Variants in CCSER2 observed in about 807,000 individuals in gnomAD.
CCSER2 encodes coiled-coil serine rich protein 2, also known as serine-rich coiled-coil domain-containing protein 2.
CCSER2 carries 46 observed loss-of-function variants against 92.3 expected under a neutral mutation model. The observed-to-expected ratio is 0.50, with a 90% CI of 0.39 to 0.64. The LOEUF (loss-of-function observed/expected upper bound fraction) is 0.64, where lower values mean the gene tolerates loss of function less well. Ranked by LOEUF, CCSER2 falls within the 30% of genes least tolerant of loss-of-function variation. The pLI is 0.00. For synonymous variants in CCSER2, 433 were observed against 431.4 expected, an observed-to-expected ratio of 1.00 and a Z score of -0.04; for missense variants, 1,244 against 1,238.9, an observed-to-expected ratio of 1.00 and a Z score of -0.06.
intron 9 of CCSER2, chr10:84,499,901 T>G: frequency 6.2e-7 from 1 of 1,614,060 alleles, no homozygotes; most frequent in Non-Finnish European, 8.5e-7. Flanking sequence ...CCTCCTTCTC[T>G]CCTTGGCAGG....
intron 9 of CCSER2, among the ~76,000 whole-genome samples, chr10:84,512,076 A>G (rs1408917949): frequency 6.6e-6 from 1 of 152,074 alleles, no homozygotes; most frequent in Non-Finnish European, 1.5e-5. Context: ...CCATGAGTTG[A>G]TGAGCCTTGC....
At chr10:84,457,650 A>T (rs1438126360) in intron 6 of CCSER2, among the ~76,000 whole-genome samples, 2 of 103,784 alleles carry the variant, frequency 1.9e-5, no homozygotes, top group East Asian at 2.6e-4. Context: ...ATTATATATA[A>T]TTATATTATT....
chr10:84,512,391 T>C lies in CCSER2; in HGVS notation c.2326-1058T>C, dbSNP rs527711884. 2.8e-4 allele frequency among the ~76,000 whole-genome samples: 33 copies of C among 119,604 alleles called. 2 individuals carry two copies. The East Asian group carries it at 3.1e-3, about 11-fold the overall frequency. 78.5% of individuals were successfully genotyped at this position (119,604 alleles called of 152,430 possible). ...CAGTGTGTGTGTGTGTGTGTGTGTG[T>C]GTGTGAGAGAGAGAGAGAGAGAGAG... On this transcript the variant is annotated intron_variant, in intron 9 of 9. Coordinates refer to ENST00000372088, the MANE Select transcript of CCSER2 (RefSeq NM_001284240.2).
chr10:84,481,217 A>G (rs771151216), intron 9 of CCSER2, among the ~76,000 whole-genome samples: 48 of 152,314 alleles, frequency 3.2e-4, no homozygotes, highest in Admixed American at 7.2e-4. Context: ...TTCAGGTGGT[A>G]CTGGGAAGCC....
intron 1 of CCSER2, among the ~76,000 whole-genome samples, chr10:84,369,587 C>G (rs552480883): frequency 6.6e-6 from 1 of 152,144 alleles, no homozygotes; most frequent in South Asian, 2.1e-4. Context: ...GCATAGTTTG[C>G]AAGTATTTTC....
Position 84,372,143 on chromosome 10 carries a change from A to G in CCSER2, c.1091A>G (p.Asp364Gly). Residue 364 changes from aspartate (D) to glycine (G), a missense_variant, in exon 2 of 10, where the codon GAC (aspartate) becomes GGC (glycine). Transcript: ENST00000372088. ...GCTAAGGACAGAGCTGCTAATAAGG[A>G]CCAAGAACTGATTGAAAATGAAAGT... ...VLAKDRAANK[D>G]QELIENESYR... 1 of 1,613,640 alleles carries G rather than the reference A, an allele frequency of 6.2e-7. No individual in the cohort carries two copies. The highest frequency in any genetic ancestry group is 8.5e-7 in the Non-Finnish European group (1 of 1,179,760).
At chr10:84,492,148 G>A (rs774380336) in intron 9 of CCSER2, among the ~76,000 whole-genome samples, 3 of 151,804 alleles carry the variant, frequency 2.0e-5, no homozygotes, top group Non-Finnish European at 2.9e-5. Context: ...GCATGGTGGC[G>A]GGCACCTGTA....
At chr10:84,474,556 G>C (rs1166584190) in intron 8 of CCSER2, among the ~76,000 whole-genome samples, 1 of 151,522 alleles carries the variant, frequency 6.6e-6, no homozygotes, top group East Asian at 1.9e-4. Flanking sequence ...AGCTACTCAG[G>C]AGGCTGAGAC....
intron 8 of CCSER2, among the ~76,000 whole-genome samples, chr10:84,476,298 G>A (rs968215010): frequency 6.6e-6 from 1 of 152,026 alleles, no homozygotes; most frequent in Non-Finnish European, 1.5e-5. Flanking sequence ...TATTAAAGTA[G>A]AAATGTATCA....
chr10:84,373,333 A>G (rs919718393), intron 2 of CCSER2, among the ~76,000 whole-genome samples: 1 of 152,152 alleles, frequency 6.6e-6, no homozygotes, highest in East Asian at 1.9e-4. Flanking sequence ...ATATCTTGGG[A>G]AATATAGGAA....
chr10:84,347,937 C>T (rs1038779237), intron 1 of CCSER2, among the ~76,000 whole-genome samples: 7 of 151,704 alleles, frequency 4.6e-5, no homozygotes, highest in Non-Finnish European at 8.8e-5. Context: ...GGTGGGATGG[C>T]GGCCGGGAAG....
At chr10:84,342,550 C>T (rs1299181543) in intron 1 of CCSER2, among the ~76,000 whole-genome samples, 1 of 152,182 alleles carries the variant, frequency 6.6e-6, no homozygotes, top group East Asian at 1.9e-4. Flanking sequence ...GCCTTTCCTT[C>T]TCCTGTTCAC....
At chr10:84,407,671 G>T (rs546904187) in intron 3 of CCSER2, among the ~76,000 whole-genome samples, 17 of 152,314 alleles carry the variant, frequency 1.1e-4, no homozygotes, top group African/African-American at 4.1e-4. Flanking sequence ...ACTGCAGCCA[G>T]AATAATACTT....
intron 5 of CCSER2, among the ~76,000 whole-genome samples, chr10:84,429,207 T>C (rs1307028108): frequency 6.6e-6 from 1 of 152,072 alleles, no homozygotes; most frequent in African/African-American, 2.4e-5. Context: ...AGTGGAGTTA[T>C]TTGGGCCTGG....
chr10:84,330,161 TC>T (rs1311274142), intron 1 of CCSER2, among the ~76,000 whole-genome samples: 1 of 152,230 alleles, frequency 6.6e-6, no homozygotes, highest in African/African-American at 2.4e-5. Flanking sequence ...TATTTACAAG[TC>T]CTTCAGTGAC....
At chr10:84,334,079 A>T (rs1360753282) in intron 1 of CCSER2, among the ~76,000 whole-genome samples, 3 of 152,144 alleles carry the variant, frequency 2.0e-5, no homozygotes, top group Admixed American at 6.5e-5. Context: ...GCTGTCAGGG[A>T]GGATGGGGGA....
At chr10:84,459,340 A>G (rs957462577) in intron 6 of CCSER2, among the ~76,000 whole-genome samples, 1 of 151,978 alleles carries the variant, frequency 6.6e-6, no homozygotes, top group South Asian at 2.1e-4. Context: ...AAATGAGGTT[A>G]TTTTATTTTT....
In CCSER2 at chr10:84,405,401, T is replaced by G. The variant is rs368806901; in HGVS notation, c.1615-12370T>G. Among the ~76,000 whole-genome samples, 3 of 151,062 alleles carry G rather than the reference T, an allele frequency of 2.0e-5. No homozygotes were observed. In the East Asian group the frequency reaches 5.9e-4, roughly 29 times the overall value. ...TTTTAAAATACTATGACCTGGAGAT[T>G]AGGTGAAAAGTTATTAGAAATTATG... On this transcript the variant is annotated intron_variant, in intron 3 of 9. Transcript: ENST00000372088.
intron 1 of CCSER2, among the ~76,000 whole-genome samples, chr10:84,342,662 A>G (rs954943046): frequency 1.3e-5 from 2 of 152,128 alleles, no homozygotes; most frequent in Non-Finnish European, 2.9e-5. Flanking sequence ...AAAACCTTCT[A>G]CATTCTGTTC....
Sources: gnomAD v4.1 joint callset for allele counts (sites outside exome capture counted in the v4.1 genomes callset) on GRCh38, gnomAD v4.1.1 for gene constraint, MANE v1.5 for transcripts, NCBI Gene and HGNC (gene_info 2026-07-23, HGNC 2026-07-21) for gene names.